CEMIP2: variants seen among roughly 807,000 people sequenced by gnomAD.
The protein encoded by CEMIP2 is cell surface hyaluronidase CEMIP2.
CEMIP2 carries 79 observed loss-of-function variants against 146.9 expected under a neutral mutation model. That is an observed-to-expected ratio of 0.54 (90% CI 0.45 to 0.65). The LOEUF (loss-of-function observed/expected upper bound fraction) is 0.65, where lower values mean the gene tolerates loss of function less well. Ranked by LOEUF, CEMIP2 falls within the 30% of genes least tolerant of loss-of-function variation. The pLI is 0.00. For synonymous variants in CEMIP2, 601 were observed against 606.3 expected (o/e 0.99, Z 0.13); for missense variants, 1,596 against 1,696.2 (o/e 0.94, Z 1.04).
At chr9:71,691,658 C>T (rs1009613541) in intron 21 of CEMIP2, among the ~76,000 whole-genome samples, 24 of 152,158 alleles carry the variant, frequency 1.6e-4, no homozygotes, top group African/African-American at 5.8e-4. Flanking sequence ...GCTTAAAAAA[C>T]CCACAATACT....
chr9:71,712,031 T>G (rs1822919994), intron 16 of CEMIP2, 52 bp downstream of exon 16: 2 of 1,584,310 alleles, frequency 1.3e-6, no homozygotes, highest in South Asian at 2.3e-5. Flanking sequence ...GAATGTGCTA[T>G]CCCTCCTTTT....
chr9:71,759,102 A>C (rs990435207), intron 1 of CEMIP2, among the ~76,000 whole-genome samples: 4 of 152,172 alleles, frequency 2.6e-5, no homozygotes, highest in African/African-American at 7.2e-5. Context: ...ACCAACTCTT[A>C]ATTATAAACC....
chr9:71,706,426 T>C (rs1822741220), intron 17 of CEMIP2, among the ~76,000 whole-genome samples: 1 of 152,156 alleles, frequency 6.6e-6, no homozygotes, highest in South Asian at 2.1e-4. Flanking sequence ...TTCTGGTCCA[T>C]AGTCCTACGA....
At chr9:71,763,426 C>A (rs1233147623) in intron 1 of CEMIP2, among the ~76,000 whole-genome samples, 2 of 152,144 alleles carry the variant, frequency 1.3e-5, no homozygotes, top group African/African-American at 2.4e-5. Flanking sequence ...AGTCAGAGGT[C>A]AATTCTTTTC....
chr9:71,749,964 A>C, intron 2 of CEMIP2, 79 bp downstream of exon 2: 2 of 1,336,158 alleles, frequency 1.5e-6, no homozygotes, highest in Non-Finnish European at 2.0e-6. Context: ...ACTTAAGATA[A>C]ATTTTTTTTT....
At chr9:71,687,172 T>C (rs901801875) in intron 22 of CEMIP2, 3 of 152,208 alleles carry the variant, frequency 2.0e-5, no homozygotes, top group African/African-American at 7.2e-5. Context: ...TACTTTCTCA[T>C]TTATTCTTCC....
rs184732474 is a variant in CEMIP2 at position 71,725,866 on chromosome 9, G to A, written c.2050-157C>T. ...ATTGACAATAAAAAGTTGTACACAC[G>A]TCTCAAAGTGGTTATATCATGTATT... On this transcript the variant is annotated intron_variant, in intron 10 of 23. Transcript: ENST00000377044. 1.7e-4 allele frequency among the ~76,000 whole-genome samples: 26 copies of A among 152,216 alleles called. No individual in the cohort carries two copies. In the East Asian group the frequency reaches 3.3e-3, roughly 19 times the overall value.
intron 7 of CEMIP2, 46 bp downstream of exon 7, chr9:71,732,305 T>C: frequency 6.6e-7 from 1 of 1,523,330 alleles, no homozygotes. Flanking sequence ...CAAACATATA[T>C]TTAGCAACCA....
chr9:71,761,433 T>G (rs1824635260), intron 1 of CEMIP2, among the ~76,000 whole-genome samples: 1 of 152,218 alleles, frequency 6.6e-6, no homozygotes, highest in Non-Finnish European at 1.5e-5. Context: ...TATGTTTTGA[T>G]GTGCCTTTCA....
In CEMIP2 at chr9:71,763,317, G is replaced by A. The variant is rs12555693; in HGVS notation, c.-13+5040C>T. ...ATAATTAAGTAAGAGCCCCCAAATC[G>A]ATAACAATTTCACACTGGAGGGGGA... On this transcript the variant is annotated intron_variant, in intron 1 of 23. Coordinates refer to ENST00000377044, the MANE Select transcript of CEMIP2 (RefSeq NM_013390.3). 5.4e-3 allele frequency among the ~76,000 whole-genome samples: 821 copies of A among 152,246 alleles called. 34 individuals carry two copies. The highest frequency in any genetic ancestry group is 0.047 in the Admixed American group (718 of 15,284).
chr9:71,733,242 T>C (rs1445863088), intron 6 of CEMIP2, among the ~76,000 whole-genome samples: 2 of 152,238 alleles, frequency 1.3e-5, no homozygotes, highest in Non-Finnish European at 2.9e-5. Context: ...TTCTTTTAAA[T>C]TCCCACATTT....
chr9:71,692,342 C>T (rs1272569149), intron 21 of CEMIP2, among the ~76,000 whole-genome samples: 2 of 114,072 alleles, frequency 1.8e-5, no homozygotes, highest in Non-Finnish European at 3.3e-5. Flanking sequence ...CCCCATCTCT[C>T]TCTCTCTCTC....
At chr9:71,716,216 T>C (rs1200609163) in intron 14 of CEMIP2, among the ~76,000 whole-genome samples, 1 of 152,162 alleles carries the variant, frequency 6.6e-6, no homozygotes, top group Non-Finnish European at 1.5e-5. Flanking sequence ...CTACTTTTAC[T>C]CCCTTCCTCT....
chr9:71,767,358 C>CAGCG (rs1824827717), intron 1 of CEMIP2, among the ~76,000 whole-genome samples: 1 of 152,166 alleles, frequency 6.6e-6, no homozygotes, highest in Non-Finnish European at 1.5e-5. Context: ...AACTGTGCAG[C>CAGCG]AGCGCATCAC....
chr9:71,744,182 T>C (rs531743541), intron 4 of CEMIP2, among the ~76,000 whole-genome samples: 41 of 152,196 alleles, frequency 2.7e-4, no homozygotes, highest in South Asian at 1.5e-3. Flanking sequence ...TAGACCAGCC[T>C]GGGCAACAAA....
intron 22 of CEMIP2, among the ~76,000 whole-genome samples, chr9:71,688,012 A>G (rs780251804): frequency 6.6e-6 from 1 of 152,186 alleles, no homozygotes; most frequent in Non-Finnish European, 1.5e-5. Flanking sequence ...ATGTGCCCAC[A>G]TACCCAGATA....
chr9:71,718,487 T>G (rs1823135712), intron 12 of CEMIP2, among the ~76,000 whole-genome samples: 1 of 152,184 alleles, frequency 6.6e-6, no homozygotes, highest in East Asian at 1.9e-4. Context: ...TAGAGTATAA[T>G]TTGAGTTGTA....
chr9:71,755,645 C>A (rs1824414119), intron 1 of CEMIP2, among the ~76,000 whole-genome samples: 1 of 151,998 alleles, frequency 6.6e-6, no homozygotes, highest in Non-Finnish European at 1.5e-5. Context: ...ACTATCTCAT[C>A]CATGAACCCT....
chr9:71,706,583 G>C (rs1419923621), intron 17 of CEMIP2, among the ~76,000 whole-genome samples: 1 of 152,168 alleles, frequency 6.6e-6, no homozygotes, highest in East Asian at 1.9e-4. Flanking sequence ...CTGAGTGAAT[G>C]TTGAATAAAT....
Sources: gnomAD v4.1 joint callset for allele counts (sites outside exome capture counted in the v4.1 genomes callset) on GRCh38, gnomAD v4.1.1 for gene constraint, MANE v1.5 for transcripts, NCBI Gene and HGNC (gene_info 2026-07-23, HGNC 2026-07-21) for gene names.